CHODL: variants seen among roughly 807,000 people sequenced by gnomAD.
CHODL encodes the protein chondrolectin, also known as transmembrane protein MT75.
CHODL carries 29 observed loss-of-function variants against 34.5 expected under a neutral mutation model. That is an observed-to-expected ratio of 0.84 (90% CI 0.63 to 1.15). CHODL has a LOEUF of 1.15. CHODL is among the 50% of genes most tolerant of loss of function. The pLI is 0.00. For synonymous variants in CHODL, 125 were observed against 116.1 expected (o/e 1.08, Z -0.49); for missense variants, 332 against 332.5 (o/e 1.00, Z 0.01).
chr21:17,989,610 T>C (rs1413089098), intron 1 of CHODL, among the ~76,000 whole-genome samples: 1 of 152,166 alleles, frequency 6.6e-6, no homozygotes, highest in African/African-American at 2.4e-5. Flanking sequence ...TAACACCATG[T>C]GTTTGTATTT....
At chr21:18,217,681 C>A (rs1275781686) in intron 2 of CHODL, among the ~76,000 whole-genome samples, 1 of 152,166 alleles carries the variant, frequency 6.6e-6, no homozygotes, top group Non-Finnish European at 1.5e-5. Context: ...AAAGTCTTAA[C>A]TTATTCCAGC....
intron 2 of CHODL, among the ~76,000 whole-genome samples, chr21:18,235,361 T>G (rs1177326981): frequency 6.6e-6 from 1 of 152,072 alleles, no homozygotes; most frequent in Non-Finnish European, 1.5e-5. Flanking sequence ...ATATTCATAT[T>G]AACATTGGAA....
intron 2 of CHODL, among the ~76,000 whole-genome samples, chr21:18,211,331 ATC>A (rs1184032621): frequency 2.6e-4 from 39 of 152,274 alleles, no homozygotes; most frequent in African/African-American, 9.4e-4. Flanking sequence ...TTTTGTTCAG[ATC>A]TGTACCTGTA....
intron 1 of CHODL, among the ~76,000 whole-genome samples, chr21:17,953,061 A>G (rs2063471431): frequency 6.6e-6 from 1 of 152,156 alleles, no homozygotes; most frequent in South Asian, 2.1e-4. Flanking sequence ...GGGGATTACA[A>G]TTTGAGATGA....
chr21:18,256,007 G>C (rs1281737073), intron 1 of CHODL, among the ~76,000 whole-genome samples: 2 of 151,916 alleles, frequency 1.3e-5, no homozygotes, highest in Admixed American at 6.6e-5. Flanking sequence ...AATTTTAATA[G>C]ATTTGTTTCG....
At chr21:18,131,462 T>C (rs1195718969) in intron 2 of CHODL, among the ~76,000 whole-genome samples, 1 of 152,218 alleles carries the variant, frequency 6.6e-6, no homozygotes, top group Non-Finnish European at 1.5e-5. Context: ...TTTTGTTTAA[T>C]GTAACAATAA....
At chr21:18,205,323 C>G (rs2073699697) in intron 2 of CHODL, among the ~76,000 whole-genome samples, 1 of 152,108 alleles carries the variant, frequency 6.6e-6, no homozygotes, top group Non-Finnish European at 1.5e-5. Context: ...AATGCTTTTT[C>G]AGCATGAATT....
intron 1 of CHODL, among the ~76,000 whole-genome samples, chr21:17,919,381 C>A (rs756319592): frequency 4.6e-5 from 7 of 152,196 alleles, no homozygotes; most frequent in African/African-American, 7.2e-5. Flanking sequence ...AACTTCAATT[C>A]TTGACCTCTG....
chr21:18,173,310 T>C (rs758793038), intron 2 of CHODL, among the ~76,000 whole-genome samples: 21 of 152,140 alleles, frequency 1.4e-4, no homozygotes, highest in Non-Finnish European at 2.5e-4. Flanking sequence ...AAGTTATAGG[T>C]CCCATACATA....
Position 18,257,091 on chromosome 21 carries a change from A to T in CHODL, c.511A>T (p.Asn171Tyr). ...TTACCAGTGGAATGATGACAGGTGT[A>T]ACATGAAGCACAATTATATTTGCAA... Reference protein sequence around the residue: ...YLYQWNDDRCNMKHNYICKYE... With the variant: ...YLYQWNDDRCYMKHNYICKYE... Residue 171 changes from asparagine (N) to tyrosine (Y), a missense_variant, in exon 3 of 6, where the codon AAC becomes TAC. Coordinates refer to ENST00000299295, the MANE Select transcript of CHODL (RefSeq NM_024944.3). 6.2e-7 allele frequency: 1 copy of T among 1,613,516 alleles called. No homozygotes were observed. Among genetic ancestry groups the T allele is most frequent in the Non-Finnish European group, 8.5e-7 (1 of 1,179,748 alleles).
At chr21:17,964,939 C>T (rs1007578610) in intron 1 of CHODL, among the ~76,000 whole-genome samples, 5 of 151,934 alleles carry the variant, frequency 3.3e-5, no homozygotes, top group Non-Finnish European at 7.4e-5. Flanking sequence ...TGCATATAGA[C>T]AAATAAAATA....
intron 1 of CHODL, among the ~76,000 whole-genome samples, chr21:18,251,623 T>A (rs9974941): frequency 8.0e-5 from 7 of 87,442 alleles, no homozygotes; most frequent in Admixed American, 1.1e-4. Context: ...TATAAAATAT[T>A]TATTTTATTT....
At chr21:17,966,635 T>C (rs943517866) in intron 1 of CHODL, among the ~76,000 whole-genome samples, 1 of 152,212 alleles carries the variant, frequency 6.6e-6, no homozygotes, top group African/African-American at 2.4e-5. Context: ...TGTTTTCATG[T>C]ATCTGCAGCT....
chr21:18,091,740 C>A (rs1177787525), intron 2 of CHODL, among the ~76,000 whole-genome samples: 1 of 152,136 alleles, frequency 6.6e-6, no homozygotes, highest in Non-Finnish European at 1.5e-5. Context: ...AGAGTGAGTC[C>A]CAGGCAGCAT....
chr21:18,065,444 G>A (rs564362584), intron 2 of CHODL, among the ~76,000 whole-genome samples: 15 of 152,130 alleles, frequency 9.9e-5, no homozygotes, highest in African/African-American at 2.4e-4. Flanking sequence ...CATAGTTCAC[G>A]CAAGGAGTTT....
chr21:18,189,065 C>G (rs148979795), intron 2 of CHODL, among the ~76,000 whole-genome samples: 5 of 152,262 alleles, frequency 3.3e-5, no homozygotes, highest in African/African-American at 1.2e-4. Context: ...AGTTTGTTGT[C>G]AGGCATACAA....
intron 1 of CHODL, among the ~76,000 whole-genome samples, chr21:18,005,698 C>T (rs748039502): frequency 1.3e-5 from 2 of 152,234 alleles, no homozygotes; most frequent in Non-Finnish European, 2.9e-5. Flanking sequence ...TTGACTATCA[C>T]TGGTTCCAGT....
chr21:18,198,277 A>C (rs1228784344), intron 2 of CHODL, among the ~76,000 whole-genome samples: 1 of 152,164 alleles, frequency 6.6e-6, no homozygotes, highest in East Asian at 1.9e-4. Flanking sequence ...ATCAACAGCA[A>C]GATTATACTC....
At chr21:18,030,569 A>G (rs922633786) in intron 2 of CHODL, among the ~76,000 whole-genome samples, 3 of 152,168 alleles carry the variant, frequency 2.0e-5, no homozygotes, top group Non-Finnish European at 2.9e-5. Context: ...ATACATAAGT[A>G]ATTAAATGTC....
Sources: gnomAD v4.1 joint callset for allele counts (sites outside exome capture counted in the v4.1 genomes callset) on GRCh38, gnomAD v4.1.1 for gene constraint, MANE v1.5 for transcripts, NCBI Gene and HGNC (gene_info 2026-07-23, HGNC 2026-07-21) for gene names.